Variants in ANK3 observed in about 807,000 individuals in gnomAD.
ANK3 encodes the protein ankyrin 3, also known as ankyrin-3.
ANK3 carries 57 observed loss-of-function variants against 370.9 expected under a neutral mutation model. That is an observed-to-expected ratio of 0.15 (90% CI 0.12 to 0.19). The LOEUF is 0.19. Among genes scored for constraint, ANK3 ranks in the 10% least tolerant of loss-of-function variants. The pLI, the probability that ANK3 is intolerant of heterozygous loss-of-function variation, is 1.00. For missense variants in ANK3, 4,439 were observed against 5,302.1 expected (o/e 0.84, Z 5.06); for synonymous variants, 1,929 against 1,946.3 (o/e 0.99, Z 0.23).
intron 1 of ANK3, among the ~76,000 whole-genome samples, chr10:60,702,619 A>G (rs2079559630): frequency 6.6e-6 from 1 of 152,220 alleles, no homozygotes; most frequent in Admixed American, 6.5e-5. Flanking sequence ...AAAACTTTCT[A>G]TATGAACTGT....
rs779013380 is a variant in ANK3, at chr10:60,069,829, G to T, written c.11052C>A (p.Pro3684=). Residue 3684 remains proline, a synonymous_variant, in exon 37 of 44, where the codon CCC becomes CCA. Coordinates refer to ENST00000280772, the MANE Select transcript of ANK3 (RefSeq NM_020987.5). ...NVETPTVEPN[P]SIPTSGECQE... ...GACACTCTCCGCTGGTCGGGATGCTGGGGTTAGGTTCCACTGTAGGTGTCT... is the reference window on the plus strand; with the variant it reads ...GACACTCTCCGCTGGTCGGGATGCTTGGGTTAGGTTCCACTGTAGGTGTCT... 6.2e-6 allele frequency: 10 copies of T among 1,614,126 alleles called. No homozygotes were observed. The highest frequency in any genetic ancestry group is 8.5e-6 in the Non-Finnish European group (10 of 1,180,014).
At chr10:60,619,035 C>T (rs1171745493) in intron 1 of ANK3, among the ~76,000 whole-genome samples, 2 of 152,036 alleles carry the variant, frequency 1.3e-5, no homozygotes, top group Non-Finnish European at 2.9e-5. Flanking sequence ...CCAGGCCATC[C>T]TCTTTCTTTA....
At chr10:60,414,728 T>C (rs2063626224) in intron 2 of ANK3, among the ~76,000 whole-genome samples, 1 of 152,170 alleles carries the variant, frequency 6.6e-6, no homozygotes, top group African/African-American at 2.4e-5. Context: ...CCAAACAATA[T>C]GGTTCCATCG....
chr10:60,573,101 C>T (rs776181650), intron 2 of ANK3: 65 of 664,600 alleles, frequency 9.8e-5, no homozygotes, highest in African/African-American at 1.8e-4. Context: ...AGGAGGCAGT[C>T]GGGAGAGTGA....
At chr10:60,180,597 A>AAAAAAAAAC (rs2096137753) in intron 18 of ANK3, among the ~76,000 whole-genome samples, 1 of 129,868 alleles carries the variant, frequency 7.7e-6, no homozygotes, top group African/African-American at 3.2e-5. Flanking sequence ...TCCGTCTCAA[A>AAAAAAAAAC]AAAAAAAAAA....
At chr10:60,694,375 C>G (rs1053697972) in intron 1 of ANK3, among the ~76,000 whole-genome samples, 2 of 152,152 alleles carry the variant, frequency 1.3e-5, no homozygotes, top group African/African-American at 4.8e-5. Context: ...GGCCAACATT[C>G]AGATGCAGGA....
intron 2 of ANK3, among the ~76,000 whole-genome samples, chr10:60,458,981 C>T (rs2064817856): frequency 6.6e-6 from 1 of 152,060 alleles, no homozygotes; most frequent in South Asian, 2.1e-4. Context: ...GACATTTATT[C>T]TATGTAAAAT....
chr10:60,572,392 T>C, intron 2 of ANK3: 1 of 1,422,932 alleles, frequency 7.0e-7, no homozygotes, highest in Non-Finnish European at 9.3e-7. Context: ...CTCTTAAAAA[T>C]TCAGCCTAAA....
At chr10:60,659,432 A>G (rs2078908258) in intron 1 of ANK3, among the ~76,000 whole-genome samples, 1 of 151,974 alleles carries the variant, frequency 6.6e-6, no homozygotes, top group Non-Finnish European at 1.5e-5. Context: ...AAATAATTGT[A>G]GTTTCTCATT....
rs750875750 is a variant in ANK3 at position 60,074,146 on chromosome 10, G to A, written c.6735C>T (p.His2245=). Residue 2245 remains histidine, a synonymous_variant, in exon 37 of 44, where the codon CAC becomes CAT. Coordinates refer to ENST00000280772, the MANE Select transcript of ANK3 (RefSeq NM_020987.5). ...SKGMRVKEET[H]ITTTTRMVYH... ...AAACCATTCTGGTGGTTGTGGTTAT[G>A]TGAGTCTCTTCTTTAACACGCATGC... 1.2e-5 allele frequency: 19 copies of A among 1,613,810 alleles called. No individual in the cohort carries two copies. Among genetic ancestry groups the A allele is most frequent in the South Asian group, 2.2e-5 (2 of 91,058 alleles).
chr10:60,519,934 C>G (rs750471786), intron 2 of ANK3, among the ~76,000 whole-genome samples: 1 of 152,054 alleles, frequency 6.6e-6, no homozygotes, highest in Non-Finnish European at 1.5e-5. Flanking sequence ...AAATTTTTGT[C>G]ATGAAGTGAT....
intron 1 of ANK3, among the ~76,000 whole-genome samples, chr10:60,693,203 A>T (rs2079383254): frequency 6.6e-6 from 1 of 152,250 alleles, no homozygotes; most frequent in African/African-American, 2.4e-5. Context: ...TGATGGGCTT[A>T]AAAAACAGCT....
At chr10:60,625,255 T>C (rs2078393159) in intron 1 of ANK3, among the ~76,000 whole-genome samples, 1 of 152,020 alleles carries the variant, frequency 6.6e-6, no homozygotes, top group South Asian at 2.1e-4. Context: ...GGACTTTAGA[T>C]GGCTGCACAC....
At chr10:60,365,600 T>A (rs2059286822) in intron 1 of ANK3, among the ~76,000 whole-genome samples, 1 of 152,242 alleles carries the variant, frequency 6.6e-6, no homozygotes, top group South Asian at 2.1e-4. Flanking sequence ...CAAGATTTAA[T>A]CAGAAGTATA....
intron 2 of ANK3, among the ~76,000 whole-genome samples, chr10:60,438,161 C>T (rs2064204695): frequency 6.6e-6 from 1 of 152,090 alleles, no homozygotes; most frequent in South Asian, 2.1e-4. Flanking sequence ...TAGGAACACA[C>T]CTAGCTTAAA....
intron 1 of ANK3, among the ~76,000 whole-genome samples, chr10:60,633,147 G>A (rs1413538762): frequency 2.0e-5 from 3 of 152,100 alleles, no homozygotes; most frequent in African/African-American, 4.8e-5. Flanking sequence ...ATTCTGAAAT[G>A]CAATTTCCAC....
chr10:60,397,769 C>T (rs1199674544), intron 2 of ANK3, among the ~76,000 whole-genome samples: 1 of 152,174 alleles, frequency 6.6e-6, no homozygotes, highest in Non-Finnish European at 1.5e-5. Flanking sequence ...CCAATATAAT[C>T]ACAAGAACGA....
chr10:60,234,622 G>T, intron 8 of ANK3, 66 bp downstream of exon 8: 1 of 924,766 alleles, frequency 1.1e-6, no homozygotes, highest in Non-Finnish European at 1.8e-6. Flanking sequence ...CAGTGCAAAG[G>T]TATCAGGAAA....
At chr10:60,432,663 A>C (rs2064055550) in intron 2 of ANK3, among the ~76,000 whole-genome samples, 1 of 152,184 alleles carries the variant, frequency 6.6e-6, no homozygotes, top group Non-Finnish European at 1.5e-5. Flanking sequence ...TTGCATTAGA[A>C]AAAGCTGAAC....
Sources: allele counts gnomAD v4.1 joint callset (sites outside exome capture counted in the v4.1 genomes callset), GRCh38; gene constraint gnomAD v4.1.1; transcripts MANE v1.5; gene names NCBI Gene and HGNC (gene_info 2026-07-23, HGNC 2026-07-21).